The following CWH43 variants were observed in gnomAD, a reference collection of about 807,000 sequenced individuals.
The protein encoded by CWH43 is PGAP2-interacting protein.
Under a neutral mutation model 85.7 loss-of-function variants are expected in CWH43, and 91 were observed. The ratio of observed to expected loss-of-function variants is 1.06; its 90% CI spans 0.90 to 1.26. The LOEUF (loss-of-function observed/expected upper bound fraction) is 1.26, where lower values mean the gene tolerates loss of function less well. Among genes scored for constraint, CWH43 ranks in the 50% most tolerant of loss-of-function variants. The pLI is 0.00. For synonymous variants in CWH43, 323 were observed against 293.6 expected (o/e 1.10, Z -1.02); for missense variants, 869 against 839.2 (o/e 1.04, Z -0.44).
intron 13 of CWH43, among the ~76,000 whole-genome samples, chr4:49,042,985 G>T (rs747171731): frequency 3.3e-5 from 5 of 152,088 alleles, no homozygotes; most frequent in Non-Finnish European, 7.4e-5. Context: ...TGGCAGGAGG[G>T]TCTAAGATAG....
intron 1 of CWH43, among the ~76,000 whole-genome samples, chr4:48,987,862 T>A (rs1046715670): frequency 1.3e-5 from 2 of 151,932 alleles, no homozygotes; most frequent in Non-Finnish European, 2.9e-5. Context: ...TTGGGTGTAG[T>A]CTGGGGTTGG....
At chr4:49,001,272 T>C (rs1478862187) in intron 6 of CWH43, among the ~76,000 whole-genome samples, 1 of 152,216 alleles carries the variant, frequency 6.6e-6, no homozygotes, top group African/African-American at 2.4e-5. Flanking sequence ...CAGATAATTT[T>C]ACTATATGGA....
At chr4:49,040,887 G>T (rs1250671725) in intron 13 of CWH43, among the ~76,000 whole-genome samples, 92 of 151,480 alleles carry the variant, frequency 6.1e-4, no homozygotes, top group Non-Finnish European at 1.1e-3. Context: ...GTCTAACATT[G>T]AAGTCTTTAA....
intron 15 of CWH43, among the ~76,000 whole-genome samples, chr4:49,057,278 A>T (rs1309555745): frequency 1.3e-5 from 2 of 152,260 alleles, no homozygotes; most frequent in Non-Finnish European, 2.9e-5. Context: ...AACATACATA[A>T]GATGAACATT....
intron 8 of CWH43, among the ~76,000 whole-genome samples, chr4:49,015,637 C>T (rs1783520833): frequency 1.3e-5 from 2 of 151,972 alleles, no homozygotes; most frequent in South Asian, 4.1e-4. Flanking sequence ...TTGCTTCTTT[C>T]CCATTCTTTC....
chr4:48,988,758 T>A, intron 2 of CWH43, 90 bp downstream of exon 2: 1 of 783,060 alleles, frequency 1.3e-6, no homozygotes, highest in Non-Finnish European at 1.9e-6. Flanking sequence ...ACTAAATATT[T>A]GAATTTAAAA....
intron 12 of CWH43, among the ~76,000 whole-genome samples, chr4:49,037,050 C>G (rs1191113204): frequency 6.6e-6 from 1 of 152,194 alleles, no homozygotes; most frequent in African/African-American, 2.4e-5. Flanking sequence ...TTCCCATCGC[C>G]TAGCTAACCA....
chr4:48,993,795 C>G (rs151110243), intron 4 of CWH43, among the ~76,000 whole-genome samples: 91 of 152,270 alleles, frequency 6.0e-4, no homozygotes, highest in African/African-American at 2.1e-3. Flanking sequence ...ACTCTTGTTG[C>G]CCGGGCTGGA....
chr4:49,023,716 C>T (rs551765552), intron 9 of CWH43, among the ~76,000 whole-genome samples: 23 of 152,278 alleles, frequency 1.5e-4, no homozygotes, highest in African/African-American at 5.5e-4. Flanking sequence ...AGAGATAGTA[C>T]TTGCTATAAT....
At chr4:49,019,272 G>A (rs929086546) in intron 9 of CWH43, among the ~76,000 whole-genome samples, 89 of 152,288 alleles carry the variant, frequency 5.8e-4, no homozygotes, top group African/African-American at 2.1e-3. Context: ...ACTGGGTATG[G>A]GGGATTAGAG....
chr4:49,037,941 C>T, intron 12 of CWH43, 95 bp from the exon 13 acceptor site: 7 of 1,045,392 alleles, frequency 6.7e-6, no homozygotes, highest in Non-Finnish European at 9.8e-6. Flanking sequence ...GGCTTCTTCA[C>T]TATATGCAGA....
chr4:48,989,949 G>A (rs549242042), intron 2 of CWH43, among the ~76,000 whole-genome samples: 5 of 152,268 alleles, frequency 3.3e-5, no homozygotes, highest in African/African-American at 1.2e-4. Context: ...ATGAACCACC[G>A]TAGCTCCGAG....
chr4:49,037,443 A>G (rs1784293596), intron 12 of CWH43, among the ~76,000 whole-genome samples: 1 of 152,098 alleles, frequency 6.6e-6, no homozygotes, highest in South Asian at 2.1e-4. Context: ...GGTAGTGTGC[A>G]CCTGTCATGC....
At chr4:49,035,756 T>C (rs1784244484) in intron 12 of CWH43, among the ~76,000 whole-genome samples, 2 of 152,280 alleles carry the variant, frequency 1.3e-5, no homozygotes, top group South Asian at 2.1e-4. Flanking sequence ...ATTTATCTCC[T>C]GAGAAAATGT....
chr4:49,045,595 A>G (rs1403108007), intron 14 of CWH43, among the ~76,000 whole-genome samples: 1 of 152,174 alleles, frequency 6.6e-6, no homozygotes, highest in African/African-American at 2.4e-5. Flanking sequence ...TTTGTAGCCT[A>G]GGAGCAATAG....
At chr4:49,051,721 T>C (rs548178728) in intron 15 of CWH43, among the ~76,000 whole-genome samples, 9 of 152,058 alleles carry the variant, frequency 5.9e-5, no homozygotes, top group African/African-American at 1.4e-4. Context: ...GGACTACAGG[T>C]GCACGCCCTG....
At chr4:49,057,986 T>C (rs1430399339) in intron 15 of CWH43, among the ~76,000 whole-genome samples, 3 of 152,228 alleles carry the variant, frequency 2.0e-5, no homozygotes, top group African/African-American at 7.2e-5. Flanking sequence ...TTTCAGTCTA[T>C]GTATATCCTC....
At chr4:49,033,794 T>C (rs917167588) in intron 12 of CWH43, among the ~76,000 whole-genome samples, 3 of 152,192 alleles carry the variant, frequency 2.0e-5, no homozygotes, top group Non-Finnish European at 4.4e-5. Context: ...ACCACAATAA[T>C]TTAAACATGA....
chr4:49,034,791 A>G (rs1012578686), intron 12 of CWH43, among the ~76,000 whole-genome samples: 5 of 152,138 alleles, frequency 3.3e-5, no homozygotes, highest in African/African-American at 1.2e-4. Flanking sequence ...CTCATCTGTA[A>G]ATCAGTGCAA....
Sources: allele counts gnomAD v4.1 joint callset (sites outside exome capture counted in the v4.1 genomes callset), GRCh38; gene constraint gnomAD v4.1.1; transcripts MANE v1.5; gene names NCBI Gene and HGNC (gene_info 2026-07-23, HGNC 2026-07-21).